Variants in RASGRF2 observed in about 807,000 individuals in gnomAD.
RASGRF2 encodes the protein Ras protein specific guanine nucleotide releasing factor 2.
Under a neutral mutation model 151.0 loss-of-function variants are expected in RASGRF2, and 76 were observed. That is an observed-to-expected ratio of 0.50 (90% confidence interval 0.42 to 0.61). The LOEUF (loss-of-function observed/expected upper bound fraction) is 0.61. RASGRF2 is among the 20% of genes least tolerant of loss of function. The probability of loss-of-function intolerance (pLI) is 0.00; values close to 1 mark genes in which losing one functional copy is unlikely to be tolerated. For missense variants in RASGRF2, 1,148 were observed against 1,564.6 expected (o/e 0.73, Z 4.49); for synonymous variants, 504 against 566.5 (o/e 0.89, Z 1.57).
intron 17 of RASGRF2, among the ~76,000 whole-genome samples, chr5:81,171,773 A>G (rs1226862950): frequency 2.6e-5 from 4 of 152,098 alleles, no homozygotes. Context: ...CTTCTAACCC[A>G]TCCCTTTCCT....
rs114889778 is a variant in RASGRF2, at chr5:81,021,473, C to A, written c.289-21404C>A. 5.3e-3 allele frequency among the ~76,000 whole-genome samples: 813 copies of A among 152,208 alleles called. 5 individuals are homozygous for A. The highest frequency in any genetic ancestry group is 0.019 in the African/African-American group (796 of 41,528). Reference sequence around the variant, plus strand: ...TAAACTCTAATAATATAAAAGGCCCCTTTTAGTAATTCACGTGTCCTCCTG... The same window carrying A: ...TAAACTCTAATAATATAAAAGGCCCATTTTAGTAATTCACGTGTCCTCCTG... On this transcript the variant is annotated intron_variant, in intron 1 of 26. Coordinates refer to ENST00000265080, the MANE Select transcript of RASGRF2 (RefSeq NM_006909.3).
At chr5:80,994,614 T>C (rs536472069) in intron 1 of RASGRF2, among the ~76,000 whole-genome samples, 1 of 152,320 alleles carries the variant, frequency 6.6e-6, no homozygotes, top group South Asian at 2.1e-4. Context: ...ATCTCACAGA[T>C]ACGTGATAAT....
intron 1 of RASGRF2, among the ~76,000 whole-genome samples, chr5:80,963,465 C>A (rs1272078094): frequency 6.6e-6 from 1 of 152,190 alleles, no homozygotes; most frequent in Non-Finnish European, 1.5e-5. Context: ...TTAATGAAAT[C>A]TCTGTTTCCT....
chr5:81,172,881 C>G (rs1231677185), intron 17 of RASGRF2, among the ~76,000 whole-genome samples: 1 of 152,118 alleles, frequency 6.6e-6, no homozygotes, highest in Non-Finnish European at 1.5e-5. Flanking sequence ...GATTATAAAA[C>G]TAGCAAAGCC....
intron 23 of RASGRF2, among the ~76,000 whole-genome samples, chr5:81,214,363 G>A (rs1755688898): frequency 6.6e-6 from 1 of 152,232 alleles, no homozygotes; most frequent in Non-Finnish European, 1.5e-5. Context: ...CCTTACTCCA[G>A]TCATGGTAGG....
chr5:81,025,071 C>T (rs1357612857), intron 1 of RASGRF2, among the ~76,000 whole-genome samples: 3 of 152,182 alleles, frequency 2.0e-5, no homozygotes, highest in Non-Finnish European at 2.9e-5. Flanking sequence ...GCAGGACATG[C>T]ATCTCCTCTG....
At position 81,085,793 on chromosome 5, in the gene RASGRF2, T is replaced by C. The variant is rs767414226; in HGVS notation, c.1162-9T>C. 2 of 1,613,958 alleles carry C rather than the reference T, an allele frequency of 1.2e-6. No individual in the cohort carries two copies. Among genetic ancestry groups the C allele is most frequent in the Admixed American group, 3.3e-5 (2 of 60,008 alleles). ...TGTCTTGCTCATACTGGCCTCTGTT[T>C]GCATCTAGATCCCCAGATATATCAT... On this transcript the variant is annotated splice_polypyrimidine_tract_variant and intron_variant, in intron 7 of 26. Transcript: ENST00000265080.
rs540544045 is a variant in RASGRF2, at chr5:80,962,687, A to G, written c.288+1661A>G. ...TGGCTCTCTGACTTGCTAATGTTAT[A>G]TGGAAACCAACATTTTTCTACTTGG... On this transcript the variant is annotated intron_variant, in intron 1 of 26. Coordinates refer to ENST00000265080, the MANE Select transcript of RASGRF2 (RefSeq NM_006909.3). 3.3e-5 allele frequency among the ~76,000 whole-genome samples: 5 copies of G among 151,718 alleles called. No individual in the cohort carries two copies. In the South Asian group the frequency reaches 6.2e-4, roughly 19 times the overall value.
intron 1 of RASGRF2, among the ~76,000 whole-genome samples, chr5:81,032,143 T>G (rs2112364575): frequency 1.3e-5 from 2 of 152,238 alleles, no homozygotes; most frequent in Admixed American, 1.3e-4. Context: ...GCTCTGAAAT[T>G]GAGGCAATAA....
At chr5:81,131,377 C>T (rs909977180) in intron 17 of RASGRF2, among the ~76,000 whole-genome samples, 5 of 152,032 alleles carry the variant, frequency 3.3e-5, no homozygotes, top group African/African-American at 1.2e-4. Flanking sequence ...GTCGGGGGAA[C>T]AAAGTCTCGC....
intron 12 of RASGRF2, among the ~76,000 whole-genome samples, chr5:81,104,464 T>C (rs1361543028): frequency 2.0e-5 from 3 of 152,118 alleles, no homozygotes; most frequent in Non-Finnish European, 4.4e-5. Flanking sequence ...TTAATAGTAA[T>C]AAAATTCTTT....
chr5:81,212,668 C>T, intron 23 of RASGRF2, 105 bp downstream of exon 23: 1 of 1,142,016 alleles, frequency 8.8e-7, no homozygotes. Context: ...CTGAAATGAG[C>T]CGCTCAGTTG....
chr5:81,028,155 A>C (rs1227159959), intron 1 of RASGRF2, among the ~76,000 whole-genome samples: 2 of 152,002 alleles, frequency 1.3e-5, no homozygotes, highest in Non-Finnish European at 2.9e-5. Flanking sequence ...GAGCCTGAAA[A>C]CTGAGATTCT....
At position 81,078,044 on chromosome 5, in the gene RASGRF2, G is replaced by T. The variant is rs551360697; in HGVS notation, c.888-2077G>T. On this transcript the variant is annotated intron_variant, in intron 5 of 26. Coordinates refer to ENST00000265080, the MANE Select transcript of RASGRF2 (RefSeq NM_006909.3). The stretch of plus-strand genomic sequence containing the variant: ...CTAGACTTAGATGGAGATTTGAAAA[G>T]AAATTTTTAAAACTTTTTTATTTTT... Among the ~76,000 whole-genome samples, 6 of 152,248 alleles carry T rather than the reference G, an allele frequency of 3.9e-5. No homozygotes were observed. The South Asian group carries it at 8.3e-4, about 21-fold the overall frequency.
chr5:81,160,774 G>A (rs1391985121), intron 17 of RASGRF2, among the ~76,000 whole-genome samples: 1 of 151,226 alleles, frequency 6.6e-6, no homozygotes, highest in South Asian at 2.1e-4. Context: ...GGGAGGCTGA[G>A]ATGGGAGGAT....
At chr5:81,168,612 C>T (rs926473396) in intron 17 of RASGRF2, among the ~76,000 whole-genome samples, 9 of 152,120 alleles carry the variant, frequency 5.9e-5, no homozygotes, top group Admixed American at 5.2e-4. Context: ...CCCCCAGCAC[C>T]GGTGTCTTAA....
chr5:81,053,844 T>A (rs1751104576), intron 2 of RASGRF2, among the ~76,000 whole-genome samples: 1 of 152,220 alleles, frequency 6.6e-6, no homozygotes, highest in Non-Finnish European at 1.5e-5. Context: ...GGTATCTCAT[T>A]GTGGTTTTGA....
In RASGRF2 at chr5:81,153,183, C is replaced by A. The variant is rs148392401; in HGVS notation, c.2686+26020C>A. ...GTAAAGATACCAGCATTGTAATGCACCCCCAGTATGTCTATATCCTAAACG... is the reference window on the plus strand; with the variant it reads ...GTAAAGATACCAGCATTGTAATGCAACCCCAGTATGTCTATATCCTAAACG... On this transcript the variant is annotated intron_variant, in intron 17 of 26. Coordinates refer to ENST00000265080, the MANE Select transcript of RASGRF2 (RefSeq NM_006909.3). 3.9e-3 allele frequency among the ~76,000 whole-genome samples: 592 copies of A among 152,310 alleles called. 9 individuals carry two copies. Among genetic ancestry groups the A allele is most frequent in the African/African-American group, 0.013 (559 of 41,554 alleles).
intron 5 of RASGRF2, 30 bp from the exon 6 acceptor site, chr5:81,080,091 T>A (rs1012561777): frequency 3.8e-6 from 6 of 1,588,360 alleles, no homozygotes; most frequent in African/African-American, 1.4e-5. Flanking sequence ...TTATAGCAAC[T>A]AAATTATATT....
Sources: allele counts gnomAD v4.1 joint callset (sites outside exome capture counted in the v4.1 genomes callset), GRCh38; gene constraint gnomAD v4.1.1; transcripts MANE v1.5; gene names NCBI Gene and HGNC (gene_info 2026-07-23, HGNC 2026-07-21).